Variants in PKD1 observed in about 807,000 individuals in gnomAD.
PKD1 encodes polycystin-1.
A neutral mutation model predicts 361.7 loss-of-function variants in PKD1; 81 were observed. That is an observed-to-expected ratio of 0.22 (90% confidence interval 0.19 to 0.27). The LOEUF is 0.27. Among genes scored for constraint, PKD1 ranks in the 10% least tolerant of loss-of-function variants. The probability of loss-of-function intolerance (pLI) is 1.00; values close to 1 mark genes in which losing one functional copy is unlikely to be tolerated. For missense variants in PKD1, 6,399 were observed against 6,118.3 expected (o/e 1.05, Z -1.53); for synonymous variants, 3,615 against 2,818.3 (o/e 1.28, Z -8.95).
intron 1 of PKD1, among the ~76,000 whole-genome samples, chr16:2,131,039 T>C (rs184182232): frequency 1.1e-3 from 173 of 152,238 alleles, no homozygotes; most frequent in African/African-American, 3.7e-3. Flanking sequence ...TCTGGGACAA[T>C]GGGATGTCGG....
rs1393473234 is a variant in PKD1 at position 2,106,623 on chromosome 16, T to C, written c.7264A>G (p.Thr2422Ala). 6.3e-7 allele frequency: 1 copy of C among 1,597,340 alleles called. No homozygotes were observed. Among genetic ancestry groups the C allele is most frequent in the East Asian group, 2.2e-5 (1 of 44,850 alleles). The stretch of plus-strand genomic sequence containing the variant: ...CGCATGCCTGCACTGCCCGTGGATG[T>C]GGTGGTCTCATCCAGCACCAGCGTC... ...NKTLVLDETT[T>A]STGSAGMRLV... Residue 2422 changes from threonine to alanine, a missense_variant, in exon 18 of 46, where the codon ACA (threonine) becomes GCA (alanine). By Grantham distance (58) the Thr-to-Ala change is moderately conservative. Coordinates refer to ENST00000262304, the MANE Select transcript of PKD1 (RefSeq NM_001009944.3). This position sits in a 1 kb window ranked among gnomAD's most constrained non-coding sequence, Gnocchi z 6.5.
rs140275390 is a variant in PKD1, at chr16:2,121,636, G to A, written c.216-2258C>T. On this transcript the variant is annotated intron_variant, in intron 1 of 45. Coordinates refer to ENST00000262304, the MANE Select transcript of PKD1 (RefSeq NM_001009944.3). ...CGGAGGTGAGTAGACAGAGAGCTGG[G>A]GCAAACCGAGAACTCCACCTCCCCT... Among the ~76,000 whole-genome samples the A allele has an allele frequency of 1.3e-3, 194 of 151,918 alleles. 1 individual carries two copies. The highest frequency in any genetic ancestry group is 4.4e-3 in the African/African-American group (181 of 41,400).
intron 1 of PKD1, among the ~76,000 whole-genome samples, chr16:2,122,630 C>T (rs996818156): frequency 1.3e-5 from 2 of 152,256 alleles, no homozygotes; most frequent in Admixed American, 6.5e-5. Context: ...TGGACTCACA[C>T]CCACTGCCCA....
rs2092504475 is a variant in PKD1, at chr16:2,111,507, G to A, written c.3660C>T (p.Ser1220=). The A allele has an allele frequency of 5.6e-6, 9 of 1,610,482 alleles. No homozygotes were observed. In the Admixed American group the frequency reaches 6.7e-5, roughly 12 times the overall value. ...CGGGGGCGCCCTGCTCCACGGCCAGGCTCATGTCCACGCTGAGTCCGCGGA... is the reference window on the plus strand; with the variant it reads ...CGGGGGCGCCCTGCTCCACGGCCAGACTCATGTCCACGCTGAGTCCGCGGA... ...EELRGLSVDM[S]LAVEQGAPVV... is the part of the protein sequence containing the mutation. Residue 1220 remains serine (S), a synonymous_variant, in exon 15 of 46, where the codon AGC becomes AGT. Coordinates refer to ENST00000262304, the MANE Select transcript of PKD1 (RefSeq NM_001009944.3).
chr16:2,116,720 G>A (rs1266828970), intron 7 of PKD1, 76 bp from the exon 8 acceptor site: 21 of 1,190,858 alleles, frequency 1.8e-5, no homozygotes, highest in Admixed American at 8.0e-5. Context: ...GGACCGAGCC[G>A]CCCGAAAACC....
At chr16:2,121,958 G>A (rs2092727812) in intron 1 of PKD1, among the ~76,000 whole-genome samples, 2 of 152,322 alleles carry the variant, frequency 1.3e-5, no homozygotes, top group African/African-American at 4.8e-5. Context: ...CACCCGCCCA[G>A]CCCCTGCCAG....
At chr16:2,122,264 G>A (rs1447593552) in intron 1 of PKD1, among the ~76,000 whole-genome samples, 2 of 152,266 alleles carry the variant, frequency 1.3e-5, no homozygotes, top group South Asian at 2.1e-4. Context: ...CGTTCCATCT[G>A]CGGATGGAGG....
intron 1 of PKD1, 54 bp downstream of exon 1, chr16:2,135,421 C>T (rs2151858087): frequency 8.8e-7 from 1 of 1,138,468 alleles, no homozygotes; most frequent in East Asian, 4.1e-5. Context: ...GGGAACGCGC[C>T]CACGCCCGCC....
intron 1 of PKD1, among the ~76,000 whole-genome samples, chr16:2,126,007 G>C (rs901971588): frequency 3.1e-4 from 41 of 131,208 alleles, no homozygotes; most frequent in African/African-American, 1.6e-3. Context: ...AGGATGGTGG[G>C]GGGGGGGGCA....
At chr16:2,112,620 T>C (rs2092545061) in intron 13 of PKD1, 147 bp from the exon 14 acceptor site, 2 of 982,378 alleles carry the variant, frequency 2.0e-6, no homozygotes, top group Admixed American at 2.0e-5. Context: ...CTGAGGCCTC[T>C]CCCGGCTCCC....
intron 33 of PKD1, 39 bp from the exon 34 acceptor site, chr16:2,097,280 G>C (rs1415826765): frequency 6.2e-7 from 1 of 1,609,036 alleles, no homozygotes; most frequent in Non-Finnish European, 8.5e-7. Flanking sequence ...CCAGCTGCAA[G>C]GGTGAGCTTC....
At position 2,102,639 on chromosome 16, in the gene PKD1, C is replaced by A. The variant is rs773444026; in HGVS notation, c.8949-6G>T. On this transcript the variant is annotated splice_region_variant and splice_polypyrimidine_tract_variant and intron_variant, in intron 24 of 45. Transcript: ENST00000262304. ...TCCCCGCTGGGTCTCTGCTCCTGGG[C>A]AGGGAAGGGGTAGCGGACGTGAGCC... The A allele has an allele frequency of 1.4e-5, 23 of 1,610,822 alleles. No individual in the cohort carries two copies. Among genetic ancestry groups the A allele is most frequent in the Middle Eastern group, 2.1e-4 (1 of 4,754 alleles).
chr16:2,131,694 G>A lies in PKD1; in HGVS notation c.215+3781C>T, dbSNP rs1317055778. ...AAAAATTAGCCGGGCGTGGTGGCGC[G>A]CGCCTCTAATCCCAGCTACTCAGGA... On this transcript the variant is annotated intron_variant, in intron 1 of 45. Coordinates refer to ENST00000262304, the MANE Select transcript of PKD1 (RefSeq NM_001009944.3). 1.3e-4 allele frequency among the ~76,000 whole-genome samples: 19 copies of A among 150,374 alleles called. No individual in the cohort carries two copies. The East Asian group carries it at 2.6e-3, about 20-fold the overall frequency.
intron 42 of PKD1, 95 bp downstream of exon 42, chr16:2,091,328 C>T: frequency 3.5e-6 from 2 of 572,510 alleles, no homozygotes; most frequent in Non-Finnish European, 4.5e-6. Flanking sequence ...GGGGGCGGGG[C>T]GCTGCGAGGG....
Position 2,093,241 on chromosome 16 carries a change from G to C in PKD1, c.11017-148C>G. 5.3e-6 allele frequency: 5 copies of C among 941,132 alleles called. No individual in the cohort carries two copies. The South Asian group carries it at 7.1e-5, about 13-fold the overall frequency. The allele number at this position is 941,132 out of a possible 1,614,324, so 58.3% of individuals were successfully genotyped here. A position where few individuals can be genotyped will look rare whatever the true frequency, so the allele number is the denominator to read the frequency against. On this transcript the variant is annotated intron_variant, in intron 37 of 45. Coordinates refer to ENST00000262304, the MANE Select transcript of PKD1 (RefSeq NM_001009944.3). The stretch of plus-strand genomic sequence containing the variant: ...CGCCCCAAGACTCTACCTGGCCAGG[G>C]TAATGGCAGCACACACCCTGCCCGG...
chr16:2,126,256 G>A (rs1485732785), intron 1 of PKD1, among the ~76,000 whole-genome samples: 3 of 152,256 alleles, frequency 2.0e-5, no homozygotes, highest in Non-Finnish European at 4.4e-5. Context: ...CCCAGCGCTG[G>A]CCTCATTCCT....
Position 2,090,976 on chromosome 16 carries a change from G to C in PKD1, c.11911C>G (p.Pro3971Ala). 6.5e-7 allele frequency: 1 copy of C among 1,539,656 alleles called. No homozygotes were observed. The highest frequency in any genetic ancestry group is 2.4e-5 in the East Asian group (1 of 41,166). The change falls in exon 43 of 46, where the codon CCG becomes GCG. Residue 3971 changes from proline (P) to alanine (A), a missense_variant. Physicochemically the swap from Pro to Ala is conservative, Grantham distance 27. Transcript: ENST00000262304. ...RQWTRFVRGR[P>A]RRFTSFDQVA... ...TGGTCGAAGCTAGTGAAGCGGCGCG[G>C]GCGGCCGCGCACGAAACGGGTCCAC...
At position 2,110,151 on chromosome 16, in the gene PKD1, C is replaced by T. The variant is rs770611484; in HGVS notation, c.5016G>A (p.Arg1672=). Residue 1672 remains arginine, a synonymous_variant, in exon 15 of 46, where the codon AGG becomes AGA. Coordinates refer to ENST00000262304, the MANE Select transcript of PKD1 (RefSeq NM_001009944.3). The part of the protein sequence containing the change: ...VSYSWTAWRD[R]GPALAGSGKG... ...TGCCGCTGCCGGCCAGGGCCGGGCC[C>T]CTGTCCCTCCAGGCAGTCCAGCTGT... 7.3e-5 allele frequency: 118 copies of T among 1,610,156 alleles called. No homozygotes were observed. Among genetic ancestry groups the T allele is most frequent in the Non-Finnish European group, 9.7e-5 (114 of 1,179,608 alleles).
Position 2,088,847 on chromosome 16 carries a change from CT to C in PKD1, c.*879del, listed in dbSNP as rs567025319. 156 of 584,682 alleles carry C rather than the reference CT, an allele frequency of 2.7e-4. 2 individuals are homozygous for C. In the South Asian group the frequency reaches 2.9e-3, roughly 11 times the overall value. 36.2% of individuals were successfully genotyped at this position (584,682 alleles called of 1,614,324 possible). On this transcript the variant is annotated 3_prime_UTR_variant, in exon 46 of 46. Transcript: ENST00000262304. Reference sequence around the variant, plus strand: ...CCAGCTCCGAGGGCCTTGAGGCTGCCTGGGCCATACAGCACACTCGCGCGTG... The same window carrying C: ...CCAGCTCCGAGGGCCTTGAGGCTGCCGGGCCATACAGCACACTCGCGCGTG...
Sources: gnomAD v4.1 joint callset for allele counts (sites outside exome capture counted in the v4.1 genomes callset) on GRCh38, gnomAD v4.1.1 for gene constraint, Gnocchi (gnomAD v3.1) non-coding constraint, MANE v1.5 for transcripts, NCBI Gene and HGNC (gene_info 2026-07-23, HGNC 2026-07-21) for gene names.